Variants in NRG3 observed in about 807,000 individuals in gnomAD.
NRG3 encodes neuregulin 3.
Under a neutral mutation model 66.9 loss-of-function variants are expected in NRG3, and 31 were observed. The observed-to-expected ratio is 0.46, with a 90% CI of 0.35 to 0.63. The LOEUF is 0.63. NRG3 is among the 20% of genes least tolerant of loss of function. NRG3 has a pLI of 0.00. For synonymous variants in NRG3, 393 were observed against 359.4 expected (o/e 1.09, Z -1.06); for missense variants, 910 against 878.9 (o/e 1.04, Z -0.45).
chr10:81,876,209 C>A, intron 1 of NRG3, 46 bp downstream of exon 1: 1 of 1,524,014 alleles, frequency 6.6e-7, no homozygotes, highest in Non-Finnish European at 8.8e-7. Flanking sequence ...CTGAGTTTCC[C>A]TTCTGCCCTC....
intron 1 of NRG3, among the ~76,000 whole-genome samples, chr10:81,902,476 G>A (rs548721370): frequency 6.6e-6 from 1 of 152,278 alleles, no homozygotes; most frequent in East Asian, 1.9e-4. Context: ...GAAGAAGAGA[G>A]AGGAGAGGGC....
chr10:81,898,863 T>C (rs1465463747), intron 1 of NRG3, among the ~76,000 whole-genome samples: 1 of 152,240 alleles, frequency 6.6e-6, no homozygotes, highest in East Asian at 1.9e-4. Flanking sequence ...TAAAGTTATG[T>C]ATAACTGTGG....
rs1471708583 is a variant in NRG3 at position 82,607,907 on chromosome 10, A to C, written c.954-130670A>C. Among the ~76,000 whole-genome samples the C allele has an allele frequency of 2.6e-5, 4 of 152,178 alleles. 1 individual carries two copies. The East Asian group carries it at 7.7e-4, about 29-fold the overall frequency. ...TTCTAGCCCTTATAACATTATGTTC[A>C]TTCATTTCACTTTTCCATGAGTTAC... On this transcript the variant is annotated intron_variant, in intron 2 of 8. Coordinates refer to ENST00000372141, the MANE Select transcript of NRG3 (RefSeq NM_001010848.4).
intron 3 of NRG3, among the ~76,000 whole-genome samples, chr10:82,828,240 T>A (rs1321482652): frequency 1.3e-5 from 2 of 152,208 alleles, no homozygotes; most frequent in Non-Finnish European, 2.9e-5. Context: ...AAACTTCTGC[T>A]AGGAATGTAC....
At chr10:82,889,636 T>C (rs1176557163) in intron 4 of NRG3, among the ~76,000 whole-genome samples, 2 of 152,186 alleles carry the variant, frequency 1.3e-5, no homozygotes, top group African/African-American at 4.8e-5. Context: ...GAAACTACAA[T>C]TCTATAAGCT....
rs76157952 is a variant in NRG3 at position 82,702,780 on chromosome 10, G to A, written c.954-35797G>A. Among the ~76,000 whole-genome samples, 7 of 152,254 alleles carry A rather than the reference G, an allele frequency of 4.6e-5. No individual in the cohort carries two copies. The East Asian group carries it at 1.4e-3, about 29-fold the overall frequency. ...GATCCAGATGTACTGAGCTGGGGAT[G>A]TTTTGGAAGAGGGAATTTTCTGAGT... is the stretch of plus-strand genomic sequence containing the variant. On this transcript the variant is annotated intron_variant, in intron 2 of 8. Transcript: ENST00000372141.
intron 4 of NRG3, among the ~76,000 whole-genome samples, chr10:82,874,436 G>GAAA (rs4034897): frequency 1.1e-4 from 16 of 139,956 alleles, no homozygotes; most frequent in Admixed American, 9.2e-4. Context: ...GACTTATTTG[G>GAAA]AAAAAAAAAA....
intron 2 of NRG3, among the ~76,000 whole-genome samples, chr10:82,473,195 A>G (rs530278235): frequency 1.3e-5 from 2 of 152,236 alleles, no homozygotes; most frequent in Non-Finnish European, 2.9e-5. Context: ...TGTTCACTCT[A>G]TCAAGCTAAA....
chr10:82,968,843 A>G (rs1335094116), intron 6 of NRG3, among the ~76,000 whole-genome samples: 1 of 152,184 alleles, frequency 6.6e-6, no homozygotes, highest in African/African-American at 2.4e-5. Context: ...TATGAAGAAA[A>G]AGAGGTTTAA....
At chr10:81,989,755 G>A (rs2060664598) in intron 1 of NRG3, among the ~76,000 whole-genome samples, 1 of 152,124 alleles carries the variant, frequency 6.6e-6, no homozygotes, top group Non-Finnish European at 1.5e-5. Context: ...TGAGTAGAAA[G>A]ATGAGAAGTG....
chr10:82,279,511 A>T (rs2079025715), intron 1 of NRG3, among the ~76,000 whole-genome samples: 1 of 152,222 alleles, frequency 6.6e-6, no homozygotes, highest in Admixed American at 6.5e-5. Flanking sequence ...AAACTGACTG[A>T]AAACCTTTTA....
At chr10:82,717,584 A>G (rs1478322457) in intron 2 of NRG3, among the ~76,000 whole-genome samples, 1 of 151,608 alleles carries the variant, frequency 6.6e-6, no homozygotes, top group African/African-American at 2.4e-5. Context: ...TATTTTTAGT[A>G]GAGACAGGGT....
intron 2 of NRG3, among the ~76,000 whole-genome samples, chr10:82,513,971 C>T (rs902406275): frequency 1.3e-5 from 2 of 151,948 alleles, no homozygotes; most frequent in Non-Finnish European, 2.9e-5. Context: ...TGTTTGTTGG[C>T]CGCATGTCTG....
At position 82,067,913 on chromosome 10, in the gene NRG3, A is replaced by G. The variant is rs560005376; in HGVS notation, c.823+191750A>G. Among the ~76,000 whole-genome samples, 130 of 152,322 alleles carry G rather than the reference A, an allele frequency of 8.5e-4. 3 individuals carry two copies. Among genetic ancestry groups the G allele is most frequent in the African/African-American group, 2.7e-3 (113 of 41,572 alleles). ...CATTTGCTTTTCAGTCTAAACAAAA[A>G]TCAAGTTTATAATTTTTATTTTTGT... On this transcript the variant is annotated intron_variant, in intron 1 of 8. Transcript: ENST00000372141.
chr10:82,204,158 A>G (rs1041908850), intron 1 of NRG3, among the ~76,000 whole-genome samples: 7 of 152,162 alleles, frequency 4.6e-5, no homozygotes, highest in African/African-American at 1.7e-4. Context: ...TATAACCCAC[A>G]TATTAACAGG....
intron 1 of NRG3, among the ~76,000 whole-genome samples, chr10:81,883,573 A>G (rs1202917168): frequency 1.3e-5 from 2 of 152,188 alleles, no homozygotes; most frequent in Non-Finnish European, 2.9e-5. Flanking sequence ...GGCCATACGA[A>G]CATTTTTTTA....
chr10:82,198,921 C>T (rs537475726), intron 1 of NRG3, among the ~76,000 whole-genome samples: 284 of 148,688 alleles, frequency 1.9e-3, no homozygotes, highest in African/African-American at 6.8e-3. Flanking sequence ...CGCTTGAACC[C>T]GGGAGGCGGA....
At chr10:82,603,760 G>A (rs2133422273) in intron 2 of NRG3, among the ~76,000 whole-genome samples, 1 of 152,100 alleles carries the variant, frequency 6.6e-6, no homozygotes, top group East Asian at 1.9e-4. Flanking sequence ...TTTTATGTAG[G>A]ATTAATTTAA....
chr10:82,174,505 T>G (rs1285405589), intron 1 of NRG3, among the ~76,000 whole-genome samples: 1 of 152,262 alleles, frequency 6.6e-6, no homozygotes, highest in Non-Finnish European at 1.5e-5. Context: ...CTATTTCTTC[T>G]GTTTGTTTTA....
Sources: allele counts gnomAD v4.1 joint callset (sites outside exome capture counted in the v4.1 genomes callset), GRCh38; gene constraint gnomAD v4.1.1; transcripts MANE v1.5; gene names NCBI Gene and HGNC (gene_info 2026-07-23, HGNC 2026-07-21).